ERBB4: variants seen among roughly 807,000 people sequenced by gnomAD.
ERBB4 encodes the protein receptor tyrosine-protein kinase erbB-4.
Under a neutral mutation model 158.0 loss-of-function variants are expected in ERBB4, and 42 were observed. The ratio of observed to expected loss-of-function variants is 0.27; its 90% CI spans 0.21 to 0.34. The LOEUF (loss-of-function observed/expected upper bound fraction) is 0.34. Among genes scored for constraint, ERBB4 ranks in the 10% least tolerant of loss-of-function variants. The pLI, the probability that ERBB4 is intolerant of heterozygous loss-of-function variation, is 1.00. For synonymous variants in ERBB4, 583 were observed against 558.7 expected (o/e 1.04, Z -0.61); for missense variants, 1,333 against 1,624.1 (o/e 0.82, Z 3.08).
intron 1 of ERBB4, among the ~76,000 whole-genome samples, chr2:212,404,000 T>C (rs1027253824): frequency 3.3e-5 from 5 of 152,140 alleles, no homozygotes; most frequent in Admixed American, 2.0e-4. Context: ...AAAGGCATTG[T>C]AGACTGAACG....
intron 2 of ERBB4, among the ~76,000 whole-genome samples, chr2:212,119,519 T>C (rs2079679027): frequency 6.6e-6 from 1 of 152,146 alleles, no homozygotes; most frequent in African/African-American, 2.4e-5. Context: ...CATTTTGCCT[T>C]GTTTTAAAGA....
intron 22 of ERBB4, among the ~76,000 whole-genome samples, chr2:211,425,314 T>C (rs1463014323): frequency 6.6e-6 from 1 of 151,980 alleles, no homozygotes; most frequent in Non-Finnish European, 1.5e-5. Context: ...TTTTAGTTTA[T>C]AACAGTTATC....
At chr2:211,448,465 G>GAT (rs1553537006) in intron 20 of ERBB4, among the ~76,000 whole-genome samples, 2 of 95,066 alleles carry the variant, frequency 2.1e-5, no homozygotes, top group Non-Finnish European at 4.3e-5. Context: ...TACCCAAACA[G>GAT]ATACACACAC....
chr2:211,692,796 C>A (rs1231269828), intron 12 of ERBB4, among the ~76,000 whole-genome samples: 5 of 152,224 alleles, frequency 3.3e-5, no homozygotes, highest in African/African-American at 1.2e-4. Flanking sequence ...TACCATATAA[C>A]ATTCATAGGT....
chr2:212,409,348 T>G (rs938983518), intron 1 of ERBB4, among the ~76,000 whole-genome samples: 9 of 152,132 alleles, frequency 5.9e-5, no homozygotes, highest in African/African-American at 2.2e-4. Context: ...TGTGGAGATA[T>G]GGAGATGTGG....
At chr2:211,737,142 G>A (rs1031536051) in intron 5 of ERBB4, among the ~76,000 whole-genome samples, 2 of 152,124 alleles carry the variant, frequency 1.3e-5, no homozygotes, top group African/African-American at 4.8e-5. Context: ...TACTCCAGCA[G>A]TAACAACCAA....
At chr2:212,447,774 T>TTGTGTGTGTGTGTGTGTG (rs3040357) in intron 1 of ERBB4, among the ~76,000 whole-genome samples, 3 of 147,104 alleles carry the variant, frequency 2.0e-5, no homozygotes, top group African/African-American at 7.5e-5. Context: ...TCATAAAAGA[T>TTGTGTGTGTGTGTGTGTG]TGTGTGTGTG....
chr2:212,165,965 C>T (rs1046573324), intron 1 of ERBB4, among the ~76,000 whole-genome samples: 3 of 151,890 alleles, frequency 2.0e-5, no homozygotes, highest in Non-Finnish European at 4.4e-5. Flanking sequence ...AACTATGTTA[C>T]AACAATATGT....
intron 3 of ERBB4, among the ~76,000 whole-genome samples, chr2:211,894,478 G>T (rs908888997): frequency 6.7e-6 from 1 of 149,624 alleles, no homozygotes; most frequent in African/African-American, 2.5e-5. Flanking sequence ...GAGTTAGTGG[G>T]TGCAGCGCAC....
intron 2 of ERBB4, among the ~76,000 whole-genome samples, chr2:212,061,345 C>T (rs895170746): frequency 6.7e-6 from 1 of 148,970 alleles, no homozygotes; most frequent in Admixed American, 6.8e-5. Flanking sequence ...CCCAGCTACT[C>T]TGGAGCCTGA....
At chr2:212,288,878 T>C (rs954392359) in intron 1 of ERBB4, among the ~76,000 whole-genome samples, 8 of 152,064 alleles carry the variant, frequency 5.3e-5, no homozygotes, top group Non-Finnish European at 1.2e-4. Context: ...TCTATTGTGC[T>C]ATCAAATGCA....
intron 1 of ERBB4, among the ~76,000 whole-genome samples, chr2:212,528,152 T>C (rs1692553552): frequency 1.3e-5 from 2 of 152,094 alleles, no homozygotes; most frequent in Non-Finnish European, 2.9e-5. Flanking sequence ...AGTTTCTTCA[T>C]GTAGCTATAG....
chr2:211,752,261 A>C (rs114580649), intron 4 of ERBB4, among the ~76,000 whole-genome samples: 2,006 of 152,210 alleles, frequency 0.013, 54 homozygotes, highest in African/African-American at 0.046. Flanking sequence ...ACAAAATAGG[A>C]AGCAGTGAAA....
At chr2:211,806,779 G>A (rs2076627579) in intron 3 of ERBB4, among the ~76,000 whole-genome samples, 1 of 152,012 alleles carries the variant, frequency 6.6e-6, no homozygotes, top group South Asian at 2.1e-4. Flanking sequence ...AACTGCACAA[G>A]GAAATAAATA....
chr2:212,256,457 C>T (rs2084743225), intron 1 of ERBB4, among the ~76,000 whole-genome samples: 1 of 151,962 alleles, frequency 6.6e-6, no homozygotes, highest in African/African-American at 2.4e-5. Flanking sequence ...AAACAAGGGA[C>T]TGTAGATCTG....
At chr2:212,533,826 C>A (rs530592740) in intron 1 of ERBB4, among the ~76,000 whole-genome samples, 1 of 152,154 alleles carries the variant, frequency 6.6e-6, no homozygotes, top group Non-Finnish European at 1.5e-5. Flanking sequence ...TTCTACCCTG[C>A]ACAGGATACT....
At chr2:211,697,114 C>T (rs955186809) in intron 12 of ERBB4, among the ~76,000 whole-genome samples, 4 of 147,924 alleles carry the variant, frequency 2.7e-5, no homozygotes, top group Non-Finnish European at 4.5e-5. Flanking sequence ...TGTATGTATA[C>T]TCATCTGCAA....
intron 1 of ERBB4, among the ~76,000 whole-genome samples, chr2:212,372,296 C>T (rs1207579289): frequency 6.6e-6 from 1 of 152,118 alleles, no homozygotes; most frequent in African/African-American, 2.4e-5. Flanking sequence ...AGCAGATTCC[C>T]TCTATTGCTT....
At chr2:212,219,997 G>A (rs1025410246) in intron 1 of ERBB4, among the ~76,000 whole-genome samples, 6 of 149,434 alleles carry the variant, frequency 4.0e-5, no homozygotes, top group African/African-American at 7.3e-5. Flanking sequence ...TGTTGCCAGA[G>A]GTGAAGGAAA....
Sources: gnomAD v4.1 joint callset for allele counts (sites outside exome capture counted in the v4.1 genomes callset) on GRCh38, gnomAD v4.1.1 for gene constraint, MANE v1.5 for transcripts, NCBI Gene and HGNC (gene_info 2026-07-23, HGNC 2026-07-21) for gene names.